The following PRKD1 variants were observed in gnomAD, a reference collection of about 807,000 sequenced individuals.
PRKD1 encodes serine/threonine-protein kinase D1.
In PRKD1, 63 loss-of-function variants were observed where a neutral mutation model predicts 95.9. The observed-to-expected ratio is 0.66, with a 90% CI of 0.54 to 0.81. PRKD1 has a LOEUF of 0.81. Ranked by LOEUF, PRKD1 falls within the 30% of genes least tolerant of loss-of-function variation. PRKD1 has a pLI of 0.00. For missense variants in PRKD1, 1,048 were observed against 1,165.3 expected, an observed-to-expected ratio of 0.90 and a Z score of 1.47; for synonymous variants, 425 against 423.1, an observed-to-expected ratio of 1.00 and a Z score of -0.05.
At chr14:29,909,492 C>T (rs916735658) in intron 1 of PRKD1, among the ~76,000 whole-genome samples, 4 of 152,256 alleles carry the variant, frequency 2.6e-5, no homozygotes, top group Admixed American at 6.5e-5. Flanking sequence ...AGTAGGGACT[C>T]GGAGAACCTT....
chr14:29,908,585 T>C (rs980300972), intron 1 of PRKD1, among the ~76,000 whole-genome samples: 1 of 152,220 alleles, frequency 6.6e-6, no homozygotes, highest in Non-Finnish European at 1.5e-5. Flanking sequence ...AAACCCAGCC[T>C]ACATTGGTCA....
chr14:29,692,316 CAT>C (rs1884286695), intron 2 of PRKD1, among the ~76,000 whole-genome samples: 1 of 151,948 alleles, frequency 6.6e-6, no homozygotes. Context: ...CCATTCCTGC[CAT>C]TAAATCTTAC....
chr14:29,768,567 C>G (rs534990519), intron 1 of PRKD1, among the ~76,000 whole-genome samples: 1 of 152,270 alleles, frequency 6.6e-6, no homozygotes, highest in African/African-American at 2.4e-5. Context: ...ACCACTGATG[C>G]TTCCAGGATC....
rs180689076 is a variant in PRKD1 at position 29,792,183 on chromosome 14, T to C, written c.265-66509A>G. The stretch of plus-strand genomic sequence containing the variant: ...CAAAGTACACAAAATCGTGTTCTAA[T>C]ATAAAAATATGAAACTTAAAGTCAA... On this transcript the variant is annotated intron_variant, in intron 1 of 17. Coordinates refer to ENST00000331968, the MANE Select transcript of PRKD1 (RefSeq NM_002742.3). Among the ~76,000 whole-genome samples, 7 of 152,250 alleles carry C rather than the reference T, an allele frequency of 4.6e-5. No homozygotes were observed. In the East Asian group the frequency reaches 9.6e-4, roughly 21 times the overall value.
chr14:29,757,319 A>G (rs1413505381), intron 1 of PRKD1, among the ~76,000 whole-genome samples: 1 of 152,174 alleles, frequency 6.6e-6, no homozygotes, highest in Non-Finnish European at 1.5e-5. Flanking sequence ...GTCTAGTGAA[A>G]GAGCTGCAGA....
intron 1 of PRKD1, among the ~76,000 whole-genome samples, chr14:29,879,300 G>A (rs557449890): frequency 6.6e-6 from 1 of 152,262 alleles, no homozygotes; most frequent in African/African-American, 2.4e-5. Flanking sequence ...TGGGGCGCGG[G>A]TAATTTAATC....
chr14:29,852,658 A>G (rs555272178), intron 1 of PRKD1, among the ~76,000 whole-genome samples: 1 of 152,298 alleles, frequency 6.6e-6, no homozygotes, highest in East Asian at 1.9e-4. Flanking sequence ...ATTGGGAACA[A>G]AGCTGTAAAA....
At chr14:29,916,995 T>TA (rs1894913464) in intron 1 of PRKD1, among the ~76,000 whole-genome samples, 1 of 152,116 alleles carries the variant, frequency 6.6e-6, no homozygotes, top group South Asian at 2.1e-4. Context: ...CAAGAGGCCC[T>TA]ACCAGAACAC....
At chr14:29,655,666 T>C (rs1157679336) in intron 4 of PRKD1, among the ~76,000 whole-genome samples, 1 of 152,126 alleles carries the variant, frequency 6.6e-6, no homozygotes, top group Non-Finnish European at 1.5e-5. Flanking sequence ...ACATCATTCA[T>C]TGCTTAAAAT....
At chr14:29,738,536 G>T (rs928919272) in intron 1 of PRKD1, among the ~76,000 whole-genome samples, 5 of 152,174 alleles carry the variant, frequency 3.3e-5, no homozygotes, top group Non-Finnish European at 7.3e-5. Context: ...AGATAAATCT[G>T]TAATACCTAT....
At chr14:29,856,906 C>T (rs992324586) in intron 1 of PRKD1, among the ~76,000 whole-genome samples, 23 of 152,112 alleles carry the variant, frequency 1.5e-4, no homozygotes, top group African/African-American at 5.6e-4. Context: ...TAAAACAGCT[C>T]GAGCCTAACA....
chr14:29,829,462 G>A (rs991389280), intron 1 of PRKD1, among the ~76,000 whole-genome samples: 11 of 152,058 alleles, frequency 7.2e-5, no homozygotes, highest in African/African-American at 1.2e-4. Context: ...GTGTCACAGC[G>A]TGCTTTTCGT....
intron 16 of PRKD1, among the ~76,000 whole-genome samples, chr14:29,588,007 C>G (rs1015741487): frequency 3.3e-5 from 5 of 152,136 alleles, no homozygotes; most frequent in African/African-American, 1.2e-4. Flanking sequence ...CTCCTCCATG[C>G]CGTTATGTCT....
intron 1 of PRKD1, among the ~76,000 whole-genome samples, chr14:29,781,847 A>G (rs1232958181): frequency 1.3e-5 from 2 of 152,234 alleles, no homozygotes; most frequent in Non-Finnish European, 1.5e-5. Context: ...CCTAAAGAGT[A>G]TTTAAACGGA....
chr14:29,923,893 G>A (rs1895209755), intron 1 of PRKD1, among the ~76,000 whole-genome samples: 1 of 151,050 alleles, frequency 6.6e-6, no homozygotes, highest in Admixed American at 6.6e-5. Context: ...AACCAAACTA[G>A]CTCTTCCTCT....
intron 16 of PRKD1, among the ~76,000 whole-genome samples, chr14:29,589,666 T>C (rs556148595): frequency 2.6e-4 from 40 of 152,170 alleles, no homozygotes; most frequent in South Asian, 2.3e-3. Flanking sequence ...TTTTAGACCA[T>C]GCATGGAAGA....
chr14:29,860,349 G>A (rs1892664156), intron 1 of PRKD1, among the ~76,000 whole-genome samples: 2 of 152,138 alleles, frequency 1.3e-5, no homozygotes, highest in African/African-American at 4.8e-5. Flanking sequence ...AAATCACATC[G>A]TGTGTAGCTC....
In PRKD1 at chr14:29,630,752, G is replaced by C; in HGVS notation, c.1662C>G (p.Thr554=). Residue 554 remains threonine (T), a synonymous_variant, in exon 10 of 18, where the codon ACC becomes ACG. Coordinates refer to ENST00000331968, the MANE Select transcript of PRKD1 (RefSeq NM_002742.3). ...AACTGGCAGACTCACTGTGCAAGTT[G>C]GTTCCTGTACCCACGGAGGAGCCCT... ...IPKGSSVGTG[T]NLHRDISVSI... 6.2e-7 allele frequency: 1 copy of C among 1,614,040 alleles called. No homozygotes were observed. Among genetic ancestry groups the C allele is most frequent in the Non-Finnish European group, 8.5e-7 (1 of 1,179,966 alleles).
rs376018331 is a variant in PRKD1 at position 29,666,123 on chromosome 14, A to G, written c.489T>C (p.Cys163=). The change falls in exon 3 of 18, where the codon TGT becomes TGC. Residue 163 remains cysteine (C), a synonymous_variant. Transcript: ENST00000331968. ...SYRAPAFCDH[C]GEMLWGLVRQ... ...GTACCAGCCCCCACAGCATTTCTCCACAGTGATCACAGAAAGCTGGAGCTC... is the reference window on the plus strand; with the variant it reads ...GTACCAGCCCCCACAGCATTTCTCCGCAGTGATCACAGAAAGCTGGAGCTC... The G allele has an allele frequency of 1.1e-5, 17 of 1,606,248 alleles. No homozygotes were observed. In the African/African-American group the frequency reaches 1.7e-4, roughly 16 times the overall value.
Sources: gnomAD v4.1 joint callset for allele counts (sites outside exome capture counted in the v4.1 genomes callset) on GRCh38, gnomAD v4.1.1 for gene constraint, MANE v1.5 for transcripts, NCBI Gene and HGNC (gene_info 2026-07-23, HGNC 2026-07-21) for gene names.